The following METTL2B variants were observed in gnomAD, a reference collection of about 807,000 sequenced individuals.
METTL2B encodes the protein methyltransferase 2B, tRNA N3-cytidine.
METTL2B carries 28 observed loss-of-function variants against 51.0 expected under a neutral mutation model. The observed-to-expected ratio is 0.55, with a 90% confidence interval of 0.41 to 0.75. The LOEUF (loss-of-function observed/expected upper bound fraction) is 0.75. Ranked by LOEUF, METTL2B falls within the 30% of genes least tolerant of loss-of-function variation. The probability of loss-of-function intolerance (pLI) is 0.00; values close to 1 mark genes in which losing one functional copy is unlikely to be tolerated. For missense variants in METTL2B, 313 were observed against 460.7 expected (o/e 0.68, Z 2.93); for synonymous variants, 128 against 166.3 (o/e 0.77, Z 1.77).
At chr7:128,477,954 G>A (rs2116838106) in intron 2 of METTL2B, 1 of 449,932 alleles carries the variant, frequency 2.2e-6, no homozygotes, top group South Asian at 1.6e-5. Context: ...TATAGTTAAA[G>A]ACACTTGGAC....
At chr7:128,484,328 G>T (rs1229909642) in intron 4 of METTL2B, among the ~76,000 whole-genome samples, 1 of 143,918 alleles carries the variant, frequency 6.9e-6, no homozygotes, top group Admixed American at 7.3e-5. Flanking sequence ...GGGTTCAGGT[G>T]ATCCTCCCAC....
rs1393331080 is a variant in METTL2B at position 128,506,124 on chromosome 7, A to C, written c.*4208A>C. 1 of 152,096 alleles carries C rather than the reference A, an allele frequency of 6.6e-6. No individual in the cohort carries two copies. The allele number at this position is 152,096 out of a possible 1,614,324, so 9.4% of individuals were successfully genotyped here. ...GAGCCACCGTGACTGGCCCCACTTA[A>C]TGGGTTTTCAGAGGTGGGAGCAAAG... On this transcript the variant is annotated 3_prime_UTR_variant, in exon 9 of 9. Transcript: ENST00000262432.
Position 128,498,062 on chromosome 7 carries a change from G to A in METTL2B, c.836G>A (p.Ser279Asn), listed in dbSNP as rs1338785540. The A allele has an allele frequency of 1.2e-6, 2 of 1,613,928 alleles. No homozygotes were observed. Among genetic ancestry groups the A allele is most frequent in the South Asian group, 2.2e-5 (2 of 91,084 alleles). ...DKMQKAINRLSRLLKPGGMVL... is the reference protein window; with the variant it reads ...DKMQKAINRLNRLLKPGGMVL... ...ATGCAGAAGGCTATCAACAGGCTGA[G>A]CAGGCTTCTGAAACCTGGGGGGATG... Residue 279 changes from serine to asparagine, a missense_variant, in exon 7 of 9, where the codon AGC (serine) becomes AAC (asparagine). Physicochemically the swap from Ser to Asn is conservative, Grantham distance 46 (BLOSUM62 1). Around this residue, in one of 4 missense-constraint regions of METTL2B, gnomAD observed 138 missense variants for 187.6 expected, o/e 0.74. Coordinates refer to ENST00000262432, the MANE Select transcript of METTL2B (RefSeq NM_018396.3).
chr7:128,498,020 C>T lies in METTL2B; in HGVS notation c.810-16C>T. On this transcript the variant is annotated splice_polypyrimidine_tract_variant and intron_variant, in intron 6 of 8. Coordinates refer to ENST00000262432, the MANE Select transcript of METTL2B (RefSeq NM_018396.3). ...TAAGGAGACCTGATTAACTATAATT[C>T]CCTGTGTCTCCACAGGATGCAGAAG... 2 of 1,611,982 alleles carry T rather than the reference C, an allele frequency of 1.2e-6. No individual in the cohort carries two copies. Among genetic ancestry groups the T allele is most frequent in the Non-Finnish European group, 1.7e-6 (2 of 1,178,462 alleles).
chr7:128,496,544 G>A (rs1792925489), intron 6 of METTL2B, among the ~76,000 whole-genome samples: 2 of 152,020 alleles, frequency 1.3e-5, no homozygotes, highest in African/African-American at 2.4e-5. Context: ...GTGAGACCCT[G>A]TCTCAAAAAA....
At position 128,476,898 on chromosome 7, in the gene METTL2B, C is replaced by T. The variant is rs925786858; in HGVS notation, c.110+23C>T. ...CTGGTAATCACCCTGCCCCCTCGCCCGGCCTGTCGCTGGCCGTCTGTCCCG... is the reference window on the plus strand; with the variant it reads ...CTGGTAATCACCCTGCCCCCTCGCCTGGCCTGTCGCTGGCCGTCTGTCCCG... On this transcript the variant is annotated intron_variant, in intron 1 of 8. Coordinates refer to ENST00000262432, the MANE Select transcript of METTL2B (RefSeq NM_018396.3). 3.1e-6 allele frequency: 5 copies of T among 1,613,046 alleles called. No individual in the cohort carries two copies. The Admixed American group carries it at 5.0e-5, about 16-fold the overall frequency.
At chr7:128,490,653 C>T (rs1193835704) in intron 5 of METTL2B, among the ~76,000 whole-genome samples, 2 of 152,150 alleles carry the variant, frequency 1.3e-5, no homozygotes, top group African/African-American at 4.8e-5. Flanking sequence ...GTGGCCCCAA[C>T]GTGCTTGCTT....
intron 5 of METTL2B, among the ~76,000 whole-genome samples, chr7:128,492,709 C>G (rs1197083715): frequency 6.6e-6 from 1 of 151,720 alleles, no homozygotes; most frequent in Non-Finnish European, 1.5e-5. Context: ...CTCCGCCTCC[C>G]GGGTTCACGC....
intron 6 of METTL2B, among the ~76,000 whole-genome samples, chr7:128,497,516 T>G (rs1231484386): frequency 1.3e-5 from 2 of 152,168 alleles, no homozygotes; most frequent in Admixed American, 1.3e-4. Context: ...TCTCAGTTAC[T>G]CTGCCGCCCA....
chr7:128,494,686 G>A (rs547577348), intron 6 of METTL2B, among the ~76,000 whole-genome samples: 22 of 151,998 alleles, frequency 1.4e-4, no homozygotes, highest in Non-Finnish European at 2.6e-4. Context: ...GGAATACAAT[G>A]GCGTGATCTA....
rs548296875 is a variant in METTL2B at position 128,493,448 on chromosome 7, G to A, written c.670-356G>A. Among the ~76,000 whole-genome samples the A allele has an allele frequency of 5.3e-5, 8 of 152,124 alleles. No individual in the cohort carries two copies. In the South Asian group the frequency reaches 8.3e-4, roughly 16 times the overall value. Reference sequence around the variant, plus strand: ...GCTGCTCTCGAACTCCTGATCTCAGGTGGTCCTCCCGCCTTGGCCTCCCAA... The same window carrying A: ...GCTGCTCTCGAACTCCTGATCTCAGATGGTCCTCCCGCCTTGGCCTCCCAA... On this transcript the variant is annotated intron_variant, in intron 5 of 8. Coordinates refer to ENST00000262432, the MANE Select transcript of METTL2B (RefSeq NM_018396.3).
intron 5 of METTL2B, among the ~76,000 whole-genome samples, chr7:128,491,334 G>A (rs1792826206): frequency 6.6e-6 from 1 of 151,338 alleles, no homozygotes; most frequent in South Asian, 2.1e-4. Flanking sequence ...AGTGGTTCAT[G>A]CCTGTAATCC....
At chr7:128,498,646 A>C (rs1792969629) in intron 7 of METTL2B, among the ~76,000 whole-genome samples, 1 of 152,100 alleles carries the variant, frequency 6.6e-6, no homozygotes, top group South Asian at 2.1e-4. Flanking sequence ...TGTATAATCT[A>C]GATATTGAGG....
intron 4 of METTL2B, among the ~76,000 whole-genome samples, chr7:128,483,604 C>T (rs1419271182): frequency 6.6e-6 from 1 of 152,188 alleles, no homozygotes; most frequent in Non-Finnish European, 1.5e-5. Context: ...TGCAGTGATT[C>T]GATCTCGGCT....
chr7:128,479,611 G>A (rs1799848482), intron 3 of METTL2B, 98 bp downstream of exon 3: 1 of 1,329,864 alleles, frequency 7.5e-7, no homozygotes, highest in Non-Finnish European at 1.0e-6. Flanking sequence ...AACTTCTATT[G>A]GATGATGCTG....
chr7:128,502,797 C>T lies in METTL2B; in HGVS notation c.*881C>T, dbSNP rs530534166. On this transcript the variant is annotated 3_prime_UTR_variant, in exon 9 of 9. Coordinates refer to ENST00000262432, the MANE Select transcript of METTL2B (RefSeq NM_018396.3). ...GCCTGTAATCCAGCTACTCGGGAGGCTGAGGCAGGAGAATCACTTGAACCC... is the reference window on the plus strand; with the variant it reads ...GCCTGTAATCCAGCTACTCGGGAGGTTGAGGCAGGAGAATCACTTGAACCC... 59 of 319,908 alleles carry T rather than the reference C, an allele frequency of 1.8e-4. No homozygotes were observed. Among genetic ancestry groups the T allele is most frequent in the African/African-American group, 1.3e-3 (55 of 43,542 alleles). 19.8% of individuals were successfully genotyped at this position (319,908 alleles called of 1,614,324 possible). A position where few individuals can be genotyped will look rare whatever the true frequency, so the allele number is the denominator to read the frequency against.
chr7:128,490,325 C>CTTT (rs56261578), intron 5 of METTL2B, among the ~76,000 whole-genome samples: 25,026 of 131,624 alleles, frequency 0.19, 2,713 homozygotes, highest in South Asian at 0.26. Context: ...TCAGGCTTCA[C>CTTT]TTTTTTTTTT....
At chr7:128,477,971 A>T (rs554229351) in intron 2 of METTL2B, 16 of 450,404 alleles carry the variant, frequency 3.6e-5, no homozygotes, top group African/African-American at 3.0e-4. Flanking sequence ...GGACCACAGG[A>T]CATTAAGTGC....
chr7:128,481,137 A>G (rs974229328), intron 4 of METTL2B, among the ~76,000 whole-genome samples: 1 of 152,238 alleles, frequency 6.6e-6, no homozygotes, highest in African/African-American at 2.4e-5. Context: ...GAGTTGAGAA[A>G]GCTATCATAC....
Sources: gnomAD v4.1 joint callset for allele counts (sites outside exome capture counted in the v4.1 genomes callset) on GRCh38, gnomAD v4.1.1 for gene constraint, gnomAD v4.1.1 regional missense constraint, MANE v1.5 for transcripts, NCBI Gene and HGNC (gene_info 2026-07-23, HGNC 2026-07-21) for gene names.